ASTN2: variants seen among roughly 807,000 people sequenced by gnomAD.
ASTN2 encodes astrotactin 2.
A neutral mutation model predicts 139.8 loss-of-function variants in ASTN2; 54 were observed. The observed-to-expected ratio is 0.39, with a 90% CI of 0.31 to 0.48. ASTN2 has a LOEUF of 0.48. Among genes scored for constraint, ASTN2 ranks in the 20% least tolerant of loss-of-function variants. The pLI is 0.95. For synonymous variants in ASTN2, 756 were observed against 719.5 expected, an observed-to-expected ratio of 1.05 and a Z score of -0.81; for missense variants, 1,565 against 1,725.1, an observed-to-expected ratio of 0.91 and a Z score of 1.64.
chr9:117,159,149 T>C (rs1830492347), intron 3 of ASTN2, among the ~76,000 whole-genome samples: 1 of 152,048 alleles, frequency 6.6e-6, no homozygotes, highest in African/African-American at 2.4e-5. Flanking sequence ...AATGAATAAG[T>C]ATTGTATTAA....
intron 1 of ASTN2, among the ~76,000 whole-genome samples, chr9:117,393,698 G>A (rs150729037): frequency 8.7e-4 from 133 of 152,276 alleles, no homozygotes; most frequent in Non-Finnish European, 1.4e-3. Flanking sequence ...CTCCTGTCTC[G>A]CAGGGACTGA....
intron 3 of ASTN2, among the ~76,000 whole-genome samples, chr9:117,142,505 A>T (rs1413412): frequency 6.6e-6 from 1 of 152,200 alleles, no homozygotes; most frequent in Non-Finnish European, 1.5e-5. Flanking sequence ...TATATGTCTT[A>T]CTCCAAGATA....
intron 18 of ASTN2, among the ~76,000 whole-genome samples, chr9:116,618,719 C>T (rs1855977894): frequency 1.3e-5 from 2 of 152,134 alleles, no homozygotes; most frequent in African/African-American, 4.8e-5. Context: ...TAAATTAATC[C>T]ATGCACACAA....
intron 2 of ASTN2, among the ~76,000 whole-genome samples, chr9:117,247,111 C>G (rs548497685): frequency 3.7e-4 from 56 of 152,184 alleles, no homozygotes; most frequent in Non-Finnish European, 6.3e-4. Context: ...GGAGTCTATC[C>G]AGAATTTTGT....
At chr9:116,912,893 C>G (rs1295171556) in intron 10 of ASTN2, among the ~76,000 whole-genome samples, 2 of 152,010 alleles carry the variant, frequency 1.3e-5, no homozygotes, top group Non-Finnish European at 2.9e-5. Flanking sequence ...GAGATCTCAT[C>G]CAGGTAATTA....
intron 7 of ASTN2, among the ~76,000 whole-genome samples, chr9:116,999,964 A>G (rs1788608008): frequency 6.6e-6 from 1 of 152,198 alleles, no homozygotes; most frequent in Non-Finnish European, 1.5e-5. Context: ...TCAGCTGGTT[A>G]GCTACTAGCT....
chr9:116,535,715 T>C (rs1389055855), intron 19 of ASTN2, among the ~76,000 whole-genome samples: 6 of 152,220 alleles, frequency 3.9e-5, no homozygotes, highest in Admixed American at 6.5e-5. Flanking sequence ...GAGTTTCTGC[T>C]GAGAGATCAG....
chr9:117,334,870 A>G (rs1386543686), intron 1 of ASTN2, among the ~76,000 whole-genome samples: 1 of 152,160 alleles, frequency 6.6e-6, no homozygotes, highest in Non-Finnish European at 1.5e-5. Context: ...CCTGGCCAAC[A>G]TGGTGAAACA....
At chr9:116,620,644 A>G (rs1217538707) in intron 17 of ASTN2, among the ~76,000 whole-genome samples, 1 of 152,148 alleles carries the variant, frequency 6.6e-6, no homozygotes, top group Non-Finnish European at 1.5e-5. Flanking sequence ...AGGAGCCACA[A>G]TGATCACTGA....
chr9:116,446,266 G>GAGAA (rs1847989406), intron 20 of ASTN2, among the ~76,000 whole-genome samples: 1 of 74,414 alleles, frequency 1.3e-5, no homozygotes. Context: ...GAGAGAGAGA[G>GAGAA]AGAGATAGAG....
chr9:116,471,574 G>A (rs777007327), intron 20 of ASTN2, among the ~76,000 whole-genome samples: 2 of 152,016 alleles, frequency 1.3e-5, no homozygotes, highest in African/African-American at 2.4e-5. Flanking sequence ...CGGGGAAAGA[G>A]GGACAGAGAA....
intron 6 of ASTN2, among the ~76,000 whole-genome samples, chr9:117,037,377 C>T (rs2132644061): frequency 6.6e-6 from 1 of 152,208 alleles, no homozygotes; most frequent in Middle Eastern, 3.4e-3. Context: ...CAGCCACATG[C>T]TGTCTGAAAA....
chr9:116,534,824 G>T (rs1024073823), intron 19 of ASTN2, among the ~76,000 whole-genome samples: 4 of 152,176 alleles, frequency 2.6e-5, no homozygotes, highest in African/African-American at 9.6e-5. Context: ...GTGCTGAGAA[G>T]AATGTATATT....
intron 17 of ASTN2, among the ~76,000 whole-genome samples, chr9:116,632,189 A>G (rs1287462996): frequency 3.1e-4 from 5 of 16,260 alleles, no homozygotes; most frequent in African/African-American, 8.6e-4. Flanking sequence ...AGAGAGGGAG[A>G]GAGAGAGAAA....
At chr9:117,359,985 A>G (rs1282129848) in intron 1 of ASTN2, among the ~76,000 whole-genome samples, 1 of 152,190 alleles carries the variant, frequency 6.6e-6, no homozygotes, top group African/African-American at 2.4e-5. Context: ...AAACCCAAGA[A>G]TAAGAGAAAG....
At chr9:116,993,876 A>ATATATATTTTTTTTTT (rs1030120382) in intron 7 of ASTN2, among the ~76,000 whole-genome samples, 3 of 142,058 alleles carry the variant, frequency 2.1e-5, no homozygotes, top group African/African-American at 5.2e-5. Flanking sequence ...ATATATATAT[A>ATATATATTTTTTTTTT]TTTTAACTAT....
At chr9:116,594,386 C>T (rs1854485815) in intron 19 of ASTN2, among the ~76,000 whole-genome samples, 1 of 152,128 alleles carries the variant, frequency 6.6e-6, no homozygotes, top group East Asian at 1.9e-4. Flanking sequence ...CTGGAATTTC[C>T]CCAGTAATTA....
chr9:117,003,556 T>TGTGTGTGTGTG (rs1412820236), intron 7 of ASTN2, among the ~76,000 whole-genome samples: 10 of 147,056 alleles, frequency 6.8e-5, no homozygotes, highest in East Asian at 2.0e-4. Context: ...TGTGTGTGTA[T>TGTGTGTGTGTG]TTAAATCTAG....
At chr9:117,302,099 G>GT (rs566719093) in intron 1 of ASTN2, among the ~76,000 whole-genome samples, 2 of 147,862 alleles carry the variant, frequency 1.4e-5, no homozygotes, top group African/African-American at 5.3e-5. Flanking sequence ...GGGGGTGGGA[G>GT]GGGGGGTGAC....
Sources: allele counts gnomAD v4.1 joint callset (sites outside exome capture counted in the v4.1 genomes callset), GRCh38; gene constraint gnomAD v4.1.1; transcripts MANE v1.5; gene names NCBI Gene and HGNC (gene_info 2026-07-23, HGNC 2026-07-21).